MICAL3: variants seen among roughly 807,000 people sequenced by gnomAD.
MICAL3 encodes microtubule associated monooxygenase, calponin and LIM domain containing 3, also known as [F-actin]-monooxygenase MICAL3.
A neutral mutation model predicts 207.4 loss-of-function variants in MICAL3; 62 were observed. That is an observed-to-expected ratio of 0.30 (90% CI 0.24 to 0.37). The LOEUF (loss-of-function observed/expected upper bound fraction) is 0.37, where lower values mean the gene tolerates loss of function less well. Ranked by LOEUF, MICAL3 falls within the 10% of genes least tolerant of loss-of-function variation. MICAL3 has a pLI of 1.00. For missense variants in MICAL3, 2,368 were observed against 2,635.6 expected (o/e 0.90, Z 2.22); for synonymous variants, 1,077 against 1,069.3 (o/e 1.01, Z -0.14).
chr22:17,907,441 C>A lies in MICAL3; in HGVS notation c.-74-555G>T, dbSNP rs575907556. 2.6e-5 allele frequency among the ~76,000 whole-genome samples: 4 copies of A among 152,330 alleles called. No individual in the cohort carries two copies. In the South Asian group the frequency reaches 8.3e-4, roughly 32 times the overall value. On this transcript the variant is annotated intron_variant, in intron 1 of 31. Transcript: ENST00000441493. ...CCAATGGATTAAAAACAGAAGCACT[C>A]CTTGGTGCCAGTGGAGCAGTGAGCC...
intron 1 of MICAL3, among the ~76,000 whole-genome samples, chr22:18,003,478 C>T (rs1182623763): frequency 6.6e-6 from 1 of 152,190 alleles, no homozygotes; most frequent in African/African-American, 2.4e-5. Flanking sequence ...CACTGCTCAC[C>T]CCTCCCTAGA....
chr22:17,926,857 G>A (rs932838531), intron 1 of MICAL3, among the ~76,000 whole-genome samples: 2 of 152,114 alleles, frequency 1.3e-5, no homozygotes, highest in Non-Finnish European at 1.5e-5. Flanking sequence ...ATCTCTACCT[G>A]GACCCTTGCA....
intron 1 of MICAL3, among the ~76,000 whole-genome samples, chr22:17,959,439 C>G (rs568087330): frequency 6.6e-6 from 1 of 152,064 alleles, no homozygotes; most frequent in Non-Finnish European, 1.5e-5. Flanking sequence ...CTCAGCCTCC[C>G]GAGTAGCTGG....
At chr22:17,831,477 C>G (rs1285857707) in intron 21 of MICAL3, among the ~76,000 whole-genome samples, 1 of 152,210 alleles carries the variant, frequency 6.6e-6, no homozygotes, top group Non-Finnish European at 1.5e-5. Context: ...AGACTAGGAT[C>G]AGGGAATCCT....
chr22:17,831,800 A>C (rs1922839201), intron 21 of MICAL3, 54 bp downstream of exon 21: 2 of 1,529,106 alleles, frequency 1.3e-6, no homozygotes, highest in African/African-American at 2.8e-5. Context: ...TCACGCATGA[A>C]ACAGATCACT....
intron 13 of MICAL3, 94 bp from the exon 14 acceptor site, chr22:17,887,529 G>T: frequency 1.4e-6 from 1 of 735,696 alleles, no homozygotes. Context: ...GGTTCGCAGA[G>T]CCTCAGAAGG....
At chr22:17,790,965 C>A in intron 31 of MICAL3, 33 bp downstream of exon 31, 1 of 1,612,576 alleles carries the variant, frequency 6.2e-7, no homozygotes, top group Non-Finnish European at 8.5e-7. Flanking sequence ...GTGGCACCCA[C>A]CCTGGCCTCC....
chr22:17,892,922 C>A lies in MICAL3; in HGVS notation c.1546+886G>T, dbSNP rs4417795. ...CCCACAAGGTGATCAATTGCCCCTGCCCATCGACTTCACCTCCTTACCATT... is the reference window on the plus strand; with the variant it reads ...CCCACAAGGTGATCAATTGCCCCTGACCATCGACTTCACCTCCTTACCATT... On this transcript the variant is annotated intron_variant, in intron 11 of 31. Transcript: ENST00000441493. 9.2e-3 allele frequency among the ~76,000 whole-genome samples: 1,407 copies of A among 152,290 alleles called. 20 individuals are homozygous for A. The highest frequency in any genetic ancestry group is 0.031 in the African/African-American group (1,295 of 41,550).
At chr22:17,908,672 C>G (rs983736736) in intron 1 of MICAL3, among the ~76,000 whole-genome samples, 1 of 152,210 alleles carries the variant, frequency 6.6e-6, no homozygotes, top group Non-Finnish European at 1.5e-5. Context: ...GCTCCTGGTG[C>G]TCTCATCACA....
chr22:17,971,189 G>A (rs986673926), intron 1 of MICAL3, among the ~76,000 whole-genome samples: 1 of 151,628 alleles, frequency 6.6e-6, no homozygotes, highest in Admixed American at 6.6e-5. Flanking sequence ...AAAAAAAGGG[G>A]GGGGCTGGGC....
At chr22:17,811,756 T>A (rs389436) in intron 27 of MICAL3, among the ~76,000 whole-genome samples, 59,667 of 152,032 alleles carry the variant, frequency 0.39, 12,510 homozygotes, top group African/African-American at 0.56. Flanking sequence ...TATATAAAAG[T>A]TCTTTTTTGA....
At chr22:17,891,744 G>A (rs1390999492) in intron 11 of MICAL3, 112 bp from the exon 12 acceptor site, 3 of 971,262 alleles carry the variant, frequency 3.1e-6, no homozygotes, top group South Asian at 1.6e-5. Flanking sequence ...GGGTAGGGAC[G>A]AAACAGTCAA....
Position 17,817,382 on chromosome 22 carries a change from C to A in MICAL3, c.5279G>T (p.Cys1760Phe). Residue 1760 changes from cysteine (C) to phenylalanine (F), a missense_variant, in exon 26 of 32, where the codon TGC (cysteine) becomes TTC (phenylalanine). Cys to Phe is a radical substitution (Grantham distance 205, BLOSUM62 -2). Around this residue, in one of 4 missense-constraint regions of MICAL3, gnomAD observed 1,770 missense variants for 1,863.2 expected, o/e 0.95. Transcript: ENST00000441493. ...DKKKKADDKS[C>F]PSTPSSGATV... is the part of the protein sequence containing the mutation. ...GGCCCCGCTGGAGGGGGTGCTGGGG[C>A]AGGACTTGTCGTCGGCCTTCTTCTT... 2.5e-6 allele frequency: 4 copies of A among 1,612,746 alleles called. No homozygotes were observed. Among genetic ancestry groups the A allele is most frequent in the Non-Finnish European group, 3.4e-6 (4 of 1,179,696 alleles).
At chr22:17,911,724 T>C (rs8142584) in intron 1 of MICAL3, among the ~76,000 whole-genome samples, 7,158 of 152,090 alleles carry the variant, frequency 0.047, 535 homozygotes, top group African/African-American at 0.16. Flanking sequence ...CCCATCTACA[T>C]GCGAGGCTGA....
At chr22:17,920,332 G>A (rs541147176) in intron 1 of MICAL3, among the ~76,000 whole-genome samples, 4 of 152,146 alleles carry the variant, frequency 2.6e-5, no homozygotes, top group Admixed American at 6.5e-5. Flanking sequence ...CCAGCCTGAC[G>A]CTGTGTCTTG....
chr22:17,972,554 G>A (rs1326880565), intron 1 of MICAL3, among the ~76,000 whole-genome samples: 4 of 152,116 alleles, frequency 2.6e-5, no homozygotes, highest in Non-Finnish European at 5.9e-5. Flanking sequence ...AGCCCATCCC[G>A]GGCAGCTCAC....
At chr22:17,884,289 G>C (rs756479492) in intron 16 of MICAL3, 14 of 1,588,948 alleles carry the variant, frequency 8.8e-6, no homozygotes, top group Non-Finnish European at 1.7e-6. Context: ...TTCCACCGGG[G>C]GGTGGGGGCA....
intron 16 of MICAL3, among the ~76,000 whole-genome samples, chr22:17,873,334 T>G (rs764758210): frequency 1.1e-4 from 16 of 152,262 alleles, no homozygotes; most frequent in Non-Finnish European, 2.1e-4. Context: ...TGTTCACTCC[T>G]GCACAGGCCG....
chr22:17,843,852 A>ATT (rs71684833), intron 19 of MICAL3, among the ~76,000 whole-genome samples: 51,573 of 148,732 alleles, frequency 0.35, 9,660 homozygotes, highest in African/African-American at 0.52. Flanking sequence ...GTTACCAGAC[A>ATT]TTTTTTTTTT....
Sources: gnomAD v4.1 joint callset for allele counts (sites outside exome capture counted in the v4.1 genomes callset) on GRCh38, gnomAD v4.1.1 for gene constraint, gnomAD v4.1.1 regional missense constraint, MANE v1.5 for transcripts, NCBI Gene and HGNC (gene_info 2026-07-23, HGNC 2026-07-21) for gene names.